Variants in KLF12 observed in about 807,000 individuals in gnomAD.
KLF12 encodes the protein Krueppel-like factor 12.
In KLF12, 9 loss-of-function variants were observed where a neutral mutation model predicts 37.8. The observed-to-expected ratio is 0.24, with a 90% CI of 0.14 to 0.42. KLF12 has a LOEUF of 0.42. Ranked by LOEUF, KLF12 falls within the 10% of genes least tolerant of loss-of-function variation. The pLI, the probability that KLF12 is intolerant of heterozygous loss-of-function variation, is 1.00. For missense variants in KLF12, 411 were observed against 516.0 expected, an observed-to-expected ratio of 0.80 and a Z score of 1.97; for synonymous variants, 208 against 202.1, an observed-to-expected ratio of 1.03 and a Z score of -0.25.
chr13:73,956,004 C>A (rs563911456), intron 2 of KLF12, among the ~76,000 whole-genome samples: 2 of 152,270 alleles, frequency 1.3e-5, no homozygotes, highest in South Asian at 4.1e-4. Flanking sequence ...CATGCATGTA[C>A]ATAAATAAAT....
chr13:74,014,646 G>T (rs17219089), intron 1 of KLF12, among the ~76,000 whole-genome samples: 10,783 of 152,216 alleles, frequency 0.071, 504 homozygotes, highest in Non-Finnish European at 0.1. Flanking sequence ...GACCGCAATT[G>T]TTAAAGTTAT....
intron 1 of KLF12, among the ~76,000 whole-genome samples, chr13:74,036,056 C>G (rs914358321): frequency 6.6e-6 from 1 of 152,148 alleles, no homozygotes; most frequent in African/African-American, 2.4e-5. Flanking sequence ...ACATCCCCAG[C>G]TCCTGCCTCA....
rs114478712 is a variant in KLF12 at position 74,107,156 on chromosome 13, C to A, written c.-32+26583G>T. On this transcript the variant is annotated intron_variant, in intron 1 of 7. Coordinates refer to ENST00000377669, the MANE Select transcript of KLF12 (RefSeq NM_007249.5). ...TGAATTATTTTATAAGGGCACTAAT[C>A]CCATTCACAAGGGTGGAGCACCATA... 8.1e-3 allele frequency among the ~76,000 whole-genome samples: 1,238 copies of A among 152,278 alleles called. 24 individuals carry two copies. Among genetic ancestry groups the A allele is most frequent in the African/African-American group, 0.029 (1,197 of 41,544 alleles).
chr13:73,881,342 C>T (rs916734028), intron 3 of KLF12, among the ~76,000 whole-genome samples: 3 of 151,948 alleles, frequency 2.0e-5, no homozygotes, highest in Admixed American at 6.6e-5. Context: ...TAATTGCTTC[C>T]ATTTCTTTAG....
At chr13:73,948,954 C>T (rs1000950007) in intron 2 of KLF12, among the ~76,000 whole-genome samples, 2 of 152,152 alleles carry the variant, frequency 1.3e-5, no homozygotes, top group African/African-American at 4.8e-5. Context: ...AAAAATAATA[C>T]AGATATTTGC....
the KLF12 span, among the ~76,000 whole-genome samples, chr13:74,215,472 C>A: frequency 1.5e-5 from 2 of 132,906 alleles, no homozygotes; most frequent in African/African-American, 6.0e-5. Flanking sequence ...GAAAGCTGAG[C>A]CAAGTAGTTT....
intron 3 of KLF12, among the ~76,000 whole-genome samples, chr13:73,871,315 A>ACTTCC (rs1831207440): frequency 6.6e-6 from 1 of 152,152 alleles, no homozygotes; most frequent in South Asian, 2.1e-4. Context: ...GGCAGACCTG[A>ACTTCC]CTTCCATCCC....
intron 2 of KLF12, among the ~76,000 whole-genome samples, chr13:73,986,126 T>A (rs7983164): frequency 0.82 from 125,471 of 152,130 alleles, 52,133 homozygotes; most frequent in East Asian, 0.9. Context: ...ATAACAACAT[T>A]CAAAAACAAA....
chr13:73,871,327 C>T (rs1371839049), intron 3 of KLF12, among the ~76,000 whole-genome samples: 1 of 152,214 alleles, frequency 6.6e-6, no homozygotes, highest in Admixed American at 6.5e-5. Context: ...TTCCATCCCT[C>T]CTTCTCTTCA....
the KLF12 span, among the ~76,000 whole-genome samples, chr13:74,278,207 G>A: frequency 2.0e-5 from 3 of 152,054 alleles, no homozygotes; most frequent in Non-Finnish European, 2.9e-5. Flanking sequence ...TTCTATTTGG[G>A]CTGATTATTT....
At chr13:74,066,100 T>C (rs1027537456) in intron 1 of KLF12, among the ~76,000 whole-genome samples, 4 of 152,030 alleles carry the variant, frequency 2.6e-5, no homozygotes, top group Non-Finnish European at 4.4e-5. Context: ...ATATGCTCCA[T>C]CCACATCCAC....
chr13:74,027,798 T>C (rs17291723), intron 1 of KLF12, among the ~76,000 whole-genome samples: 24,175 of 152,160 alleles, frequency 0.16, 2,150 homozygotes, highest in Admixed American at 0.23. Flanking sequence ...AGAGTTTCAA[T>C]TGTGACCATA....
At chr13:74,095,277 C>G (rs574625244) in intron 1 of KLF12, among the ~76,000 whole-genome samples, 57 of 152,180 alleles carry the variant, frequency 3.7e-4, no homozygotes, top group African/African-American at 1.3e-3. Flanking sequence ...AAGTTTATAG[C>G]AATATAATTA....
At chr13:73,738,686 T>A (rs1401253557) in intron 6 of KLF12, among the ~76,000 whole-genome samples, 1 of 152,110 alleles carries the variant, frequency 6.6e-6, no homozygotes, top group Admixed American at 6.5e-5. Flanking sequence ...AATGGTAAGA[T>A]TACCCTAAAA....
chr13:73,894,672 G>A (rs770075529), intron 3 of KLF12, among the ~76,000 whole-genome samples: 8 of 151,746 alleles, frequency 5.3e-5, no homozygotes, highest in Middle Eastern at 3.4e-3. Context: ...TTTTTGTATC[G>A]CATATACACA....
chr13:74,176,949 C>T, the KLF12 span, among the ~76,000 whole-genome samples: 1 of 152,098 alleles, frequency 6.6e-6, no homozygotes, highest in Non-Finnish European at 1.5e-5. Context: ...TTACCCTTGC[C>T]TCTCACCATT....
At chr13:74,135,191 G>A (rs998739755), upstream of KLF12, among the ~76,000 whole-genome samples, 1 of 152,056 alleles carries the variant, frequency 6.6e-6, no homozygotes, top group Admixed American at 6.5e-5. Flanking sequence ...ATGGGGGCGA[G>A]GCGGAGATGC....
chr13:73,788,678 AT>A (rs1881496576), intron 5 of KLF12, among the ~76,000 whole-genome samples: 1 of 151,926 alleles, frequency 6.6e-6, no homozygotes, highest in Non-Finnish European at 1.5e-5. Context: ...TGTTCCCTCC[AT>A]TAAACTGCTT....
At chr13:73,757,099 C>T (rs1218905155) in intron 6 of KLF12, among the ~76,000 whole-genome samples, 5 of 152,126 alleles carry the variant, frequency 3.3e-5, no homozygotes, top group Non-Finnish European at 7.4e-5. Flanking sequence ...CTACACAATC[C>T]TATGCATGTA....
Sources: gnomAD v4.1 joint callset for allele counts (sites outside exome capture counted in the v4.1 genomes callset) on GRCh38, gnomAD v4.1.1 for gene constraint, MANE v1.5 for transcripts, NCBI Gene and HGNC (gene_info 2026-07-23, HGNC 2026-07-21) for gene names.